CENPM: variants seen among roughly 807,000 people sequenced by gnomAD.
CENPM encodes centromere protein M.
A neutral mutation model predicts 19.6 loss-of-function variants in CENPM; 14 were observed. That is an observed-to-expected ratio of 0.71 (90% CI 0.47 to 1.11). The LOEUF (loss-of-function observed/expected upper bound fraction) is 1.11, where lower values mean the gene tolerates loss of function less well. Among genes scored for constraint, CENPM ranks in the 50% most tolerant of loss-of-function variants. The pLI, the probability that CENPM is intolerant of heterozygous loss-of-function variation, is 0.00. For missense variants in CENPM, 239 were observed against 228.4 expected (o/e 1.05, Z -0.30); for synonymous variants, 114 against 101.5 (o/e 1.12, Z -0.74).
chr22:41,945,130 T>C, intron 4 of CENPM, 95 bp downstream of exon 4: 1 of 1,589,006 alleles, frequency 6.3e-7, no homozygotes, highest in African/African-American at 1.3e-5. Context: ...ATACATGCTC[T>C]TTCCATCACC....
intron 5 of CENPM, among the ~76,000 whole-genome samples, chr22:41,942,257 G>A (rs747250811): frequency 1.9e-4 from 29 of 152,232 alleles, no homozygotes; most frequent in Non-Finnish European, 3.5e-4. Flanking sequence ...ATCGCGGGGA[G>A]CACATCAACT....
chr22:41,945,451 T>C, intron 3 of CENPM, 147 bp from the exon 4 acceptor site: 1 of 1,347,534 alleles, frequency 7.4e-7, no homozygotes. Context: ...CCTTTAATTT[T>C]TTTTTTTTTT....
At chr22:41,930,232 C>T in the CENPM span, among the ~76,000 whole-genome samples, 2 of 144,746 alleles carry the variant, frequency 1.4e-5, no homozygotes, top group South Asian at 4.4e-4. Context: ...TGAGCCACCG[C>T]GTCCCTTTTT....
the CENPM span, among the ~76,000 whole-genome samples, chr22:41,932,925 C>T: frequency 6.6e-6 from 1 of 152,192 alleles, no homozygotes; most frequent in South Asian, 2.1e-4. The surrounding 1 kb of genome is among the most constrained non-coding windows in gnomAD (Gnocchi z 4.3). Context: ...GTTTTGGGTT[C>T]TGGGGAAATA....
the CENPM span, among the ~76,000 whole-genome samples, chr22:41,927,313 G>A: frequency 6.6e-6 from 1 of 152,110 alleles, no homozygotes; most frequent in Non-Finnish European, 1.5e-5. Context: ...GTGTCTGGGG[G>A]CAGACCAGAG....
intron 5 of CENPM, among the ~76,000 whole-genome samples, chr22:41,939,860 G>GAAAAAGAAAGAA (rs1240941752): frequency 1.1e-3 from 6 of 5,392 alleles, no homozygotes; most frequent in Admixed American, 1.4e-3. Flanking sequence ...AAGAAAGAAA[G>GAAAAAGAAAGAA]AAAGAAAGAA....
chr22:41,929,075 G>C, the CENPM span, among the ~76,000 whole-genome samples: 1 of 151,656 alleles, frequency 6.6e-6, no homozygotes, highest in Admixed American at 6.6e-5. Flanking sequence ...AAGTGGGGCT[G>C]GGGGCAGGTG....
chr22:41,934,756 G>C (rs1228997206), downstream of CENPM, among the ~76,000 whole-genome samples: 1 of 152,212 alleles, frequency 6.6e-6, no homozygotes, highest in Admixed American at 6.5e-5. Context: ...CCACGCTACA[G>C]CTGAGGAACT....
At chr22:41,929,214 G>C in the CENPM span, among the ~76,000 whole-genome samples, 1 of 152,112 alleles carries the variant, frequency 6.6e-6, no homozygotes, top group East Asian at 1.9e-4. Flanking sequence ...CTGTGAGGCA[G>C]AGAGGTGGGG....
At chr22:41,941,398 T>C (rs1230574745) in intron 5 of CENPM, among the ~76,000 whole-genome samples, 2 of 152,232 alleles carry the variant, frequency 1.3e-5, no homozygotes, top group African/African-American at 4.8e-5. Flanking sequence ...GGAACCAGGC[T>C]GGGACCTCCT....
chr22:41,929,074 T>TG, the CENPM span, among the ~76,000 whole-genome samples: 8 of 94,586 alleles, frequency 8.5e-5, no homozygotes, highest in East Asian at 2.2e-3. Context: ...GAAGTGGGGC[T>TG]GGGGGCAGGT....
rs908536953 is a variant in CENPM at position 41,946,496 on chromosome 22, G to A, written c.58C>T (p.Leu20=). Residue 20 remains leucine, a splice_region_variant and synonymous_variant, in exon 2 of 6, where the codon CTG becomes TTG. Transcript: ENST00000215980. Reference sequence around the variant, plus strand: ...AGAAGAGCATCCTCCGTGCCCACCAGCTGCGCAGGGAGAGAGAGCGGACAG... The same window carrying A: ...AGAAGAGCATCCTCCGTGCCCACCAACTGCGCAGGGAGAGAGAGCGGACAG... ...LPGLNTATIL[L]VGTEDALLQQ... is the part of the protein sequence containing the mutation. 2.5e-6 allele frequency: 4 copies of A among 1,612,978 alleles called. No homozygotes were observed. Among genetic ancestry groups the A allele is most frequent in the Non-Finnish European group, 2.5e-6 (3 of 1,179,848 alleles).
chr22:41,933,059 G>A, the CENPM span, among the ~76,000 whole-genome samples: 6 of 152,146 alleles, frequency 3.9e-5, no homozygotes, highest in South Asian at 2.1e-4. Context: ...TTCAAACAGG[G>A]GAGTCAGAGA....
chr22:41,927,945 G>C, the CENPM span, among the ~76,000 whole-genome samples: 2 of 152,232 alleles, frequency 1.3e-5, no homozygotes, highest in Non-Finnish European at 2.9e-5. Context: ...GCTTCATGGA[G>C]AGGGCGATGG....
chr22:41,939,150 A>C lies in CENPM; in HGVS notation c.449T>G (p.Leu150Arg), dbSNP rs894941464. The change falls in exon 6 of 6, where the codon CTG (leucine) becomes CGG (arginine). Residue 150 changes from leucine to arginine, a missense_variant. Transcript: ENST00000215980. ...ATMAQRLVRV[L>R]QICAGHVPGV... is the part of the protein sequence containing the mutation. ...GGGCACGTGGCCAGCACAGATCTGC[A>C]GCACGCGCACCAGGCGCTGCGCCAT... The C allele has an allele frequency of 1.2e-5, 20 of 1,612,784 alleles. No homozygotes were observed. Among genetic ancestry groups the C allele is most frequent in the Non-Finnish European group, 1.7e-5 (20 of 1,179,882 alleles).
chr22:41,928,151 G>A, the CENPM span: 3 of 428,188 alleles, frequency 7.0e-6, no homozygotes, highest in South Asian at 5.3e-5. The surrounding 1 kb of genome is among the most constrained non-coding windows in gnomAD (Gnocchi z 4.0). Flanking sequence ...GCTTTGTGCA[G>A]GGAGGACCCA....
At position 41,938,750 on chromosome 22, in the gene CENPM, T is replaced by C. The variant is rs2077696871; in HGVS notation, c.*306A>G. 1 of 307,726 alleles carries C rather than the reference T, an allele frequency of 3.2e-6. No individual in the cohort carries two copies. The highest frequency in any genetic ancestry group is 5.6e-5 in the East Asian group (1 of 17,844). The allele number at this position is 307,726 out of a possible 1,614,324, so 19.1% of individuals were successfully genotyped here. On this transcript the variant is annotated 3_prime_UTR_variant, in exon 6 of 6. Transcript: ENST00000215980. ...GAATGAGACCAGTGATTTTTAAACT[T>C]TTTTTAGCCACAGACCTTTTGTTCA...
chr22:41,939,920 G>C (rs1569425974), intron 5 of CENPM, among the ~76,000 whole-genome samples: 1 of 117,900 alleles, frequency 8.5e-6, no homozygotes, highest in Non-Finnish European at 1.8e-5. Flanking sequence ...CTCCAGACCT[G>C]TCTCTCTATT....
chr22:41,943,550 G>A (rs1033985928), intron 5 of CENPM, 60 bp downstream of exon 5: 18 of 1,466,562 alleles, frequency 1.2e-5, no homozygotes, highest in Non-Finnish European at 1.5e-5. Flanking sequence ...CCCACTGTGT[G>A]CTGACCACCC....
Sources: gnomAD v4.1 joint callset for allele counts (sites outside exome capture counted in the v4.1 genomes callset) on GRCh38, gnomAD v4.1.1 for gene constraint, Gnocchi (gnomAD v3.1) non-coding constraint, MANE v1.5 for transcripts, NCBI Gene and HGNC (gene_info 2026-07-23, HGNC 2026-07-21) for gene names.